The following PPP2R2D variants were observed in gnomAD, a reference collection of about 807,000 sequenced individuals.
The protein encoded by PPP2R2D is protein phosphatase 2 regulatory subunit Bdelta.
In PPP2R2D, 9 loss-of-function variants were observed where a neutral mutation model predicts 31.1. The ratio of observed to expected loss-of-function variants is 0.29; its 90% CI spans 0.17 to 0.51. The LOEUF is 0.51. Ranked by LOEUF, PPP2R2D falls within the 20% of genes least tolerant of loss-of-function variation. The pLI, the probability that PPP2R2D is intolerant of heterozygous loss-of-function variation, is 0.98. For missense variants in PPP2R2D, 391 were observed against 465.6 expected (o/e 0.84, Z 1.48); for synonymous variants, 179 against 172.6 (o/e 1.04, Z -0.29).
At chr10:131,916,908 GTT>G (rs2035804785) in intron 2 of PPP2R2D, among the ~76,000 whole-genome samples, 3 of 150,278 alleles carry the variant, frequency 2.0e-5, no homozygotes, top group African/African-American at 7.3e-5. Context: ...ATGACACAAC[GTT>G]TGTAGGGACC....
At chr10:131,962,077 G>A (rs978413573), downstream of PPP2R2D, among the ~76,000 whole-genome samples, 1 of 152,206 alleles carries the variant, frequency 6.6e-6, no homozygotes, top group African/African-American at 2.4e-5. Context: ...TGGCCTGTAC[G>A]ATGATTTTGT....
rs7199 is a variant in PPP2R2D at position 131,956,344 on chromosome 10, C to A, written c.*381C>A. The A allele has an allele frequency of 3.0e-6, 3 of 988,296 alleles. No homozygotes were observed. In the African/African-American group the frequency reaches 5.2e-5, roughly 17 times the overall value. 61.2% of individuals were successfully genotyped at this position (988,296 alleles called of 1,614,324 possible). A position where few individuals can be genotyped will look rare whatever the true frequency, so the allele number is the denominator to read the frequency against. On this transcript the variant is annotated 3_prime_UTR_variant, in exon 9 of 9. Coordinates refer to ENST00000455566, the MANE Select transcript of PPP2R2D (RefSeq NM_018461.5). ...TCTCCAACTTTCCCTCTTTCTCTGC[C>A]ATCACACTTGGGCCTTCACTGCAGC...
At chr10:131,937,790 T>A (rs979319627) in intron 3 of PPP2R2D, among the ~76,000 whole-genome samples, 5 of 152,252 alleles carry the variant, frequency 3.3e-5, no homozygotes, top group Non-Finnish European at 7.3e-5. Context: ...TTTTAAATAA[T>A]TTGGTTCCAC....
rs538939828 is a variant in PPP2R2D at position 131,958,791 on chromosome 10, A to T, written c.*2828A>T. On this transcript the variant is annotated 3_prime_UTR_variant, in exon 9 of 9. Coordinates refer to ENST00000455566, the MANE Select transcript of PPP2R2D (RefSeq NM_018461.5). Reference sequence around the variant, plus strand: ...CCTGTGGAGATGGAGGTGTGTGCTGATCCCCCGTCCCCCTGTGGAGATGGA... The same window carrying T: ...CCTGTGGAGATGGAGGTGTGTGCTGTTCCCCCGTCCCCCTGTGGAGATGGA... 4.3e-6 allele frequency: 1 copy of T among 232,796 alleles called. No individual in the cohort carries two copies. The allele number at this position is 232,796 out of a possible 1,614,324, so 14.4% of individuals were successfully genotyped here.
In PPP2R2D at chr10:131,957,314, T is replaced by G. The variant is rs2036818196; in HGVS notation, c.*1351T>G. ...TGTCTAGATGAAGGTATGTGCTGAT[T>G]GCCTGTGCCCCTGTGGAGAAGGAGG... On this transcript the variant is annotated 3_prime_UTR_variant, in exon 9 of 9. Transcript: ENST00000455566. 1 of 169,326 alleles carries G rather than the reference T, an allele frequency of 5.9e-6. No individual in the cohort carries two copies. The highest frequency in any genetic ancestry group is 9.9e-5 in the South Asian group (1 of 10,104). 10.5% of individuals were successfully genotyped at this position (169,326 alleles called of 1,614,324 possible).
In PPP2R2D at chr10:131,959,182, A is replaced by C. The variant is rs2036879864; in HGVS notation, c.*3219A>C. 1.4e-5 allele frequency: 2 copies of C among 141,694 alleles called. No individual in the cohort carries two copies. Among genetic ancestry groups the C allele is most frequent in the Admixed American group, 9.0e-5 (1 of 11,160 alleles). The allele number at this position is 141,694 out of a possible 1,614,324, so 8.8% of individuals were successfully genotyped here. Reference sequence around the variant, plus strand: ...GCTGATCCCCGGTCCCCCTGTGGAGATGAAGGTGTGTGCTGATCCCCCGTC... The same window carrying C: ...GCTGATCCCCGGTCCCCCTGTGGAGCTGAAGGTGTGTGCTGATCCCCCGTC... On this transcript the variant is annotated 3_prime_UTR_variant, in exon 9 of 9. Coordinates refer to ENST00000455566, the MANE Select transcript of PPP2R2D (RefSeq NM_018461.5).
At chr10:131,943,652 C>T (rs1195999288) in intron 5 of PPP2R2D, among the ~76,000 whole-genome samples, 2 of 152,168 alleles carry the variant, frequency 1.3e-5, no homozygotes, top group African/African-American at 4.8e-5. Context: ...TCAGTGTGGC[C>T]ACTGGAGGAC....
At chr10:131,923,342 C>A (rs1175006084) in intron 2 of PPP2R2D, among the ~76,000 whole-genome samples, 1 of 152,222 alleles carries the variant, frequency 6.6e-6, no homozygotes, top group Admixed American at 6.5e-5. Flanking sequence ...AACAGTTTTC[C>A]ATTTTTGTTT....
At chr10:131,964,562 G>T (rs1457037458), downstream of PPP2R2D, among the ~76,000 whole-genome samples, 1 of 152,032 alleles carries the variant, frequency 6.6e-6, no homozygotes, top group Non-Finnish European at 1.5e-5. Context: ...CCAGCAGTGG[G>T]AAATCAGGCT....
At chr10:131,969,609 C>G in the PPP2R2D span, 2 of 152,262 alleles carry the variant, frequency 1.3e-5, no homozygotes, top group African/African-American at 4.8e-5. Flanking sequence ...GCTTTTATCC[C>G]GTTTCCTTCA....
chr10:131,955,777 C>G lies in PPP2R2D; in HGVS notation c.1176C>G (p.Ser392Arg), dbSNP rs2036782690. 6.3e-7 allele frequency: 1 copy of G among 1,590,056 alleles called. No individual in the cohort carries two copies. Among genetic ancestry groups the G allele is most frequent in the Admixed American group, 1.7e-5 (1 of 58,348 alleles). The change falls in exon 9 of 9, where the codon AGC (serine) becomes AGG (arginine). Residue 392 changes from serine to arginine, a missense_variant. Ser to Arg is a moderately radical substitution (Grantham distance 110, BLOSUM62 -1). Coordinates refer to ENST00000455566, the MANE Select transcript of PPP2R2D (RefSeq NM_018461.5). ...DVTLEASRESSKPRASLKPRK... is the reference protein window; with the variant it reads ...DVTLEASRESRKPRASLKPRK... ...CCCTGGAGGCCTCGAGAGAGAGCAGCAAACCGCGCGCCAGCCTCAAACCCC... is the reference window on the plus strand; with the variant it reads ...CCCTGGAGGCCTCGAGAGAGAGCAGGAAACCGCGCGCCAGCCTCAAACCCC...
chr10:131,968,347 T>C, the PPP2R2D span: 1 of 564,640 alleles, frequency 1.8e-6, no homozygotes, highest in Non-Finnish European at 3.1e-6. Context: ...GGTGTAATTA[T>C]AGATCAACAT....
intron 8 of PPP2R2D, among the ~76,000 whole-genome samples, chr10:131,948,211 GC>G (rs2036576621): frequency 6.6e-6 from 1 of 152,192 alleles, no homozygotes; most frequent in Non-Finnish European, 1.5e-5. Flanking sequence ...TGCCTGTCAT[GC>G]CCAGACACAG....
intron 5 of PPP2R2D, among the ~76,000 whole-genome samples, chr10:131,943,036 T>C (rs2036468530): frequency 6.6e-6 from 1 of 152,260 alleles, no homozygotes; most frequent in East Asian, 1.9e-4. Flanking sequence ...TTTTGGTTTC[T>C]AATTACAAGA....
intron 2 of PPP2R2D, among the ~76,000 whole-genome samples, chr10:131,917,768 T>C: frequency 9.7e-6 from 1 of 102,618 alleles, no homozygotes; most frequent in Non-Finnish European, 1.9e-5. Flanking sequence ...CTCAGGCGGG[T>C]GGAATGACAC....
intron 2 of PPP2R2D, among the ~76,000 whole-genome samples, chr10:131,917,730 C>G (rs1232091400): frequency 8.8e-6 from 1 of 113,218 alleles, no homozygotes; most frequent in Non-Finnish European, 1.8e-5. Flanking sequence ...AGGGACCTCA[C>G]GTGGGTGGAA....
intron 8 of PPP2R2D, among the ~76,000 whole-genome samples, chr10:131,951,351 GT>G (rs1278931287): frequency 1.3e-5 from 2 of 152,220 alleles, no homozygotes; most frequent in Non-Finnish European, 2.9e-5. Context: ...GAATGGACAG[GT>G]AAGTTGTTCT....
At chr10:131,932,060 G>T (rs950928539) in intron 2 of PPP2R2D, among the ~76,000 whole-genome samples, 2 of 151,316 alleles carry the variant, frequency 1.3e-5, no homozygotes, top group Non-Finnish European at 2.9e-5. Context: ...GCGGGGGTGG[G>T]AGGGTAAAGG....
chr10:131,970,816 T>C, the PPP2R2D span: 3 of 1,614,256 alleles, frequency 1.9e-6, no homozygotes, highest in Admixed American at 3.3e-5. The surrounding 1 kb of genome is among the most constrained non-coding windows in gnomAD (Gnocchi z 4.1). Context: ...TGTCAGCTGA[T>C]GTGTCCTCTG....
Sources: gnomAD v4.1 joint callset for allele counts (sites outside exome capture counted in the v4.1 genomes callset) on GRCh38, gnomAD v4.1.1 for gene constraint, Gnocchi (gnomAD v3.1) non-coding constraint, MANE v1.5 for transcripts, NCBI Gene and HGNC (gene_info 2026-07-23, HGNC 2026-07-21) for gene names.